SYN3: variants seen among roughly 807,000 people sequenced by gnomAD.
The protein encoded by SYN3 is synapsin-3.
A neutral mutation model predicts 65.8 loss-of-function variants in SYN3; 35 were observed. The ratio of observed to expected loss-of-function variants is 0.53; its 90% CI spans 0.41 to 0.70. The LOEUF is 0.70. SYN3 is among the 30% of genes least tolerant of loss of function. The probability of loss-of-function intolerance (pLI) is 0.00; values close to 1 mark genes in which losing one functional copy is unlikely to be tolerated. For missense variants in SYN3, 680 were observed against 749.0 expected (o/e 0.91, Z 1.08); for synonymous variants, 270 against 292.9 (o/e 0.92, Z 0.80).
chr22:32,993,425 G>A (rs538286955), intron 2 of SYN3, among the ~76,000 whole-genome samples: 1 of 152,236 alleles, frequency 6.6e-6, no homozygotes, highest in South Asian at 2.1e-4. Flanking sequence ...GCGCGATCTC[G>A]GCTCACTGCA....
chr22:32,938,729 C>A (rs562172688), intron 3 of SYN3, among the ~76,000 whole-genome samples: 1 of 151,976 alleles, frequency 6.6e-6, no homozygotes, highest in Non-Finnish European at 1.5e-5. Context: ...GAGTTCAAGA[C>A]GAGCCTGGCC....
intron 4 of SYN3, among the ~76,000 whole-genome samples, chr22:32,925,423 T>C (rs2050442855): frequency 6.6e-6 from 1 of 152,244 alleles, no homozygotes; most frequent in Non-Finnish European, 1.5e-5. Flanking sequence ...ATAATTCATC[T>C]CATAACAACT....
At chr22:32,741,458 C>T (rs1286207686) in intron 6 of SYN3, among the ~76,000 whole-genome samples, 1 of 150,188 alleles carries the variant, frequency 6.7e-6, no homozygotes, top group Non-Finnish European at 1.5e-5. Flanking sequence ...TGGGTTCACA[C>T]CATTCTCCTG....
At chr22:32,977,700 C>T (rs977390867) in intron 3 of SYN3, among the ~76,000 whole-genome samples, 4 of 148,806 alleles carry the variant, frequency 2.7e-5, no homozygotes, top group African/African-American at 5.0e-5. Flanking sequence ...GCCGAGATTG[C>T]GCCACTGCAC....
chr22:32,732,661 G>C (rs139058032), intron 6 of SYN3, among the ~76,000 whole-genome samples: 1 of 152,192 alleles, frequency 6.6e-6, no homozygotes, highest in South Asian at 2.1e-4. Flanking sequence ...CATATCCTAT[G>C]AGGTAAATAT....
chr22:32,714,732 T>C (rs1270341696), intron 6 of SYN3, among the ~76,000 whole-genome samples: 3 of 152,210 alleles, frequency 2.0e-5, no homozygotes, highest in South Asian at 2.1e-4. Context: ...CTGATTAAGA[T>C]AGGCTTTGTG....
At chr22:32,774,436 A>G (rs749218821) in intron 6 of SYN3, among the ~76,000 whole-genome samples, 6 of 152,028 alleles carry the variant, frequency 3.9e-5, no homozygotes, top group African/African-American at 9.7e-5. Flanking sequence ...ACTGGAAGAG[A>G]TAAGGAAGGA....
chr22:32,587,047 C>A (rs2059055275), intron 7 of SYN3, among the ~76,000 whole-genome samples: 1 of 152,010 alleles, frequency 6.6e-6, no homozygotes, highest in South Asian at 2.1e-4. Context: ...CATGGTGAAA[C>A]CCCATCTCTA....
chr22:32,650,978 G>C (rs2060061935), intron 6 of SYN3, among the ~76,000 whole-genome samples: 1 of 152,282 alleles, frequency 6.6e-6, no homozygotes, highest in South Asian at 2.1e-4. Flanking sequence ...TTAGCGACTG[G>C]AATAGAAGGT....
chr22:32,910,512 G>C (rs369618072), intron 4 of SYN3, among the ~76,000 whole-genome samples: 1 of 152,190 alleles, frequency 6.6e-6, no homozygotes, highest in South Asian at 2.1e-4. Context: ...TATTGAGTAC[G>C]TTCTTTGTGC....
intron 6 of SYN3, among the ~76,000 whole-genome samples, chr22:32,633,686 G>A (rs1467216872): frequency 6.6e-6 from 1 of 152,124 alleles, no homozygotes; most frequent in Non-Finnish European, 1.5e-5. Context: ...GCAGTGATGT[G>A]ATCACAGCTC....
At chr22:32,565,293 T>C (rs771242342) in intron 7 of SYN3, among the ~76,000 whole-genome samples, 27 of 152,182 alleles carry the variant, frequency 1.8e-4, no homozygotes, top group Non-Finnish European at 3.7e-4. Context: ...TGGGAGTGGA[T>C]GGGATTGTCT....
chr22:32,829,655 TC>T (rs1366007191), intron 6 of SYN3, among the ~76,000 whole-genome samples: 12 of 152,022 alleles, frequency 7.9e-5, no homozygotes, highest in Non-Finnish European at 1.5e-4. Context: ...CACTGGCTGT[TC>T]CCTCCTCCAG....
chr22:32,880,445 C>A (rs1180307919), intron 4 of SYN3, among the ~76,000 whole-genome samples: 1 of 152,110 alleles, frequency 6.6e-6, no homozygotes, highest in Non-Finnish European at 1.5e-5. Context: ...GGCTCTGGGG[C>A]AAAAACAGTG....
chr22:32,708,917 CA>C (rs1330360613), intron 6 of SYN3, among the ~76,000 whole-genome samples: 2 of 152,220 alleles, frequency 1.3e-5, no homozygotes, highest in Non-Finnish European at 2.9e-5. Context: ...GCAGGCTGCA[CA>C]GCCCAGATGG....
intron 3 of SYN3, among the ~76,000 whole-genome samples, chr22:32,941,142 A>G (rs948011214): frequency 5.3e-5 from 8 of 152,226 alleles, no homozygotes; most frequent in Non-Finnish European, 8.8e-5. Context: ...TAAAAACAAA[A>G]AAATCCACAA....
chr22:32,850,130 T>C (rs1364963531), intron 6 of SYN3, among the ~76,000 whole-genome samples: 8 of 150,730 alleles, frequency 5.3e-5, no homozygotes, highest in Admixed American at 3.3e-4. Context: ...TTGCTAAGCA[T>C]ATTCTTATCA....
At chr22:32,572,422 T>G (rs1216955182) in intron 7 of SYN3, among the ~76,000 whole-genome samples, 20 of 1,718 alleles carry the variant, frequency 0.012, no homozygotes, top group South Asian at 0.028. Context: ...TTTCCTTCCT[T>G]CTTCCTTCCT....
At chr22:32,991,346 A>G (rs1225919875) in intron 2 of SYN3, among the ~76,000 whole-genome samples, 7 of 147,128 alleles carry the variant, frequency 4.8e-5, no homozygotes, top group Non-Finnish European at 7.5e-5. Flanking sequence ...TCAAATAATA[A>G]TAATAATAAT....
Sources: gnomAD v4.1 joint callset for allele counts (sites outside exome capture counted in the v4.1 genomes callset) on GRCh38, gnomAD v4.1.1 for gene constraint, MANE v1.5 for transcripts, NCBI Gene and HGNC (gene_info 2026-07-23, HGNC 2026-07-21) for gene names.